The following CACNA1A variants were observed in gnomAD, a reference collection of about 807,000 sequenced individuals.
The protein encoded by CACNA1A is voltage-dependent P/Q-type calcium channel subunit alpha-1A.
CACNA1A carries 57 observed loss-of-function variants against 262.4 expected under a neutral mutation model. The ratio of observed to expected loss-of-function variants is 0.22; its 90% CI spans 0.18 to 0.27. The LOEUF is 0.27. Ranked by LOEUF, CACNA1A falls within the 10% of genes least tolerant of loss-of-function variation. CACNA1A has a pLI of 1.00. For synonymous variants in CACNA1A, 1,431 were observed against 1,419.3 expected (o/e 1.01, Z -0.18); for missense variants, 2,526 against 3,562.8 (o/e 0.71, Z 7.41).
intron 1 of CACNA1A, among the ~76,000 whole-genome samples, chr19:13,465,132 T>C (rs986825810): frequency 6.6e-6 from 1 of 151,868 alleles, no homozygotes; most frequent in Non-Finnish European, 1.5e-5. Flanking sequence ...GGTTTCACCA[T>C]GTTGGCCAGG....
intron 21 of CACNA1A, chr19:13,284,692 A>G (rs2057362680): frequency 5.1e-6 from 1 of 195,950 alleles, no homozygotes; most frequent in Admixed American, 5.3e-5. Context: ...GCAGTTGTTC[A>G]GGCTGTGTAC....
intron 33 of CACNA1A, 41 bp from the exon 34 acceptor site, chr19:13,235,077 C>T: frequency 6.4e-7 from 1 of 1,554,568 alleles, no homozygotes; most frequent in Non-Finnish European, 8.9e-7. Flanking sequence ...TGCCATTCCT[C>T]CAGTGGCTTC....
intron 1 of CACNA1A, among the ~76,000 whole-genome samples, chr19:13,476,819 T>G (rs1032776721): frequency 6.6e-6 from 1 of 152,176 alleles, no homozygotes; most frequent in Non-Finnish European, 1.5e-5. Flanking sequence ...CCCCCACTAT[T>G]ACCTGCCAGG....
At chr19:13,477,747 T>C (rs74839970) in intron 1 of CACNA1A, among the ~76,000 whole-genome samples, 99 of 152,352 alleles carry the variant, frequency 6.5e-4, no homozygotes, top group Admixed American at 1.2e-3. Context: ...ACTCTCACTT[T>C]TGGCTCTGAC....
chr19:13,341,742 A>G (rs2058680046), intron 6 of CACNA1A, among the ~76,000 whole-genome samples: 4 of 151,970 alleles, frequency 2.6e-5, no homozygotes, highest in Admixed American at 2.6e-4. Flanking sequence ...TGCACCCCTC[A>G]TTTCTGGTCC....
intron 3 of CACNA1A, among the ~76,000 whole-genome samples, chr19:13,391,241 T>C (rs925686963): frequency 2.0e-5 from 3 of 152,196 alleles, no homozygotes; most frequent in African/African-American, 7.2e-5. Context: ...ATGTCTTTTT[T>C]TGCCTTAGAG....
intron 3 of CACNA1A, among the ~76,000 whole-genome samples, chr19:13,400,405 A>C (rs2059879828): frequency 1.3e-5 from 2 of 152,176 alleles, no homozygotes; most frequent in African/African-American, 4.8e-5. Context: ...TCTCTTTTGA[A>C]GAGCCTGCAG....
intron 3 of CACNA1A, among the ~76,000 whole-genome samples, chr19:13,436,562 C>CTCACTCATTCAT (rs1017496043): frequency 6.6e-6 from 1 of 152,096 alleles, no homozygotes; most frequent in Non-Finnish European, 1.5e-5. Flanking sequence ...CATTCATCCA[C>CTCACTCATTCAT]TCACTCATTC....
intron 1 of CACNA1A, among the ~76,000 whole-genome samples, chr19:13,458,360 T>G (rs2061053714): frequency 6.6e-6 from 1 of 152,120 alleles, no homozygotes; most frequent in Non-Finnish European, 1.5e-5. Context: ...TCTTACTTTG[T>G]TGCCCAGGGT....
At chr19:13,217,826 T>C (rs1234555233) in intron 38 of CACNA1A, among the ~76,000 whole-genome samples, 4 of 152,130 alleles carry the variant, frequency 2.6e-5, no homozygotes, top group Admixed American at 6.6e-5. Context: ...GACTGGCCCA[T>C]TGACTTGCTC....
intron 3 of CACNA1A, among the ~76,000 whole-genome samples, chr19:13,395,649 T>TA (rs1162681020): frequency 1.3e-5 from 2 of 152,072 alleles, no homozygotes; most frequent in Admixed American, 6.5e-5. Context: ...TTATCTAACT[T>TA]ACGTTATTTG....
Position 13,280,066 on chromosome 19 carries a change from C to T in CACNA1A, c.3823-2938G>A, listed in dbSNP as rs1381279479. Among the ~76,000 whole-genome samples, 4 of 152,322 alleles carry T rather than the reference C, an allele frequency of 2.6e-5. No individual in the cohort carries two copies. In the East Asian group the frequency reaches 7.7e-4, roughly 29 times the overall value. On this transcript the variant is annotated intron_variant, in intron 22 of 46. Coordinates refer to ENST00000360228, the MANE Select transcript of CACNA1A (RefSeq NM_001127222.2). ...TCAGGTGATCCACCCGCCTTGGCCT[C>T]CCAAAGGGTCACTGTGTTTATTGTC...
At chr19:13,328,633 G>C (rs986146046) in intron 10 of CACNA1A, among the ~76,000 whole-genome samples, 2 of 152,018 alleles carry the variant, frequency 1.3e-5, no homozygotes, top group Non-Finnish European at 2.9e-5. Context: ...CCCAAAGGGT[G>C]GGGGGAGTCA....
In CACNA1A at chr19:13,403,292, C is replaced by T. The variant is rs149592893; in HGVS notation, c.540-31513G>A. ...AGTGTTGTTCTTTGCCTGGGACATTCTAAGAGGTTTATACATATGAACTCA... is the reference window on the plus strand; with the variant it reads ...AGTGTTGTTCTTTGCCTGGGACATTTTAAGAGGTTTATACATATGAACTCA... On this transcript the variant is annotated intron_variant, in intron 3 of 46. Coordinates refer to ENST00000360228, the MANE Select transcript of CACNA1A (RefSeq NM_001127222.2). Among the ~76,000 whole-genome samples the T allele has an allele frequency of 5.5e-3, 831 of 152,112 alleles. 4 individuals are homozygous for T. The highest frequency in any genetic ancestry group is 0.019 in the African/African-American group (793 of 41,494).
chr19:13,329,775 G>A (rs1019736213), intron 10 of CACNA1A, among the ~76,000 whole-genome samples: 1 of 138,522 alleles, frequency 7.2e-6, no homozygotes, highest in African/African-American at 2.9e-5. Flanking sequence ...GCCTGGCTCA[G>A]TTTGTGTCTT....
intron 3 of CACNA1A, among the ~76,000 whole-genome samples, chr19:13,392,040 A>AG (rs1410952430): frequency 1.7e-4 from 26 of 150,918 alleles, no homozygotes; most frequent in Non-Finnish European, 3.0e-4. Context: ...CAAAAAAAAA[A>AG]AAAAAAAGAA....
chr19:13,318,309 C>T lies in CACNA1A; in HGVS notation c.1346-988G>A, dbSNP rs117616543. ...CTGAAGCATGAATGTGTCTGCCCGA[C>T]ATTTTTGGGGAAGAGCACAAGGAAG... On this transcript the variant is annotated intron_variant, in intron 10 of 46. Transcript: ENST00000360228. 6.0e-4 allele frequency among the ~76,000 whole-genome samples: 92 copies of T among 152,180 alleles called. No individual in the cohort carries two copies. The East Asian group carries it at 0.016, about 27-fold the overall frequency.
chr19:13,345,435 G>A (rs1341235831), intron 6 of CACNA1A, among the ~76,000 whole-genome samples: 1 of 152,162 alleles, frequency 6.6e-6, no homozygotes, highest in East Asian at 1.9e-4. Context: ...GGTGAGGGAT[G>A]TTACTGATTC....
Position 13,206,942 on chromosome 19 carries a change from A to G in CACNA1A, c.*371T>C, listed in dbSNP as rs1277493606. 2 of 76,076 alleles carry G rather than the reference A, an allele frequency of 2.6e-5. No homozygotes were observed. The highest frequency in any genetic ancestry group is 5.6e-5 in the African/African-American group (1 of 17,846). The allele number at this position is 76,076 out of a possible 1,614,324, so 4.7% of individuals were successfully genotyped here. On this transcript the variant is annotated 3_prime_UTR_variant, in exon 47 of 47. Transcript: ENST00000360228. ...TTTCTCCCCGTTTTTTCTTTTAAAAATGTTTTTTTTTTTTTTTTTTTTTTT... is the reference window on the plus strand; with the variant it reads ...TTTCTCCCCGTTTTTTCTTTTAAAAGTGTTTTTTTTTTTTTTTTTTTTTTT...
Sources: gnomAD v4.1 joint callset for allele counts (sites outside exome capture counted in the v4.1 genomes callset) on GRCh38, gnomAD v4.1.1 for gene constraint, MANE v1.5 for transcripts, NCBI Gene and HGNC (gene_info 2026-07-23, HGNC 2026-07-21) for gene names.